The following ZNF407 variants were observed in gnomAD, a reference collection of about 807,000 sequenced individuals.
The protein encoded by ZNF407 is zinc finger protein 407.
Under a neutral mutation model 131.2 loss-of-function variants are expected in ZNF407, and 17 were observed. That is an observed-to-expected ratio of 0.13 (90% CI 0.09 to 0.19). The LOEUF (loss-of-function observed/expected upper bound fraction) is 0.19. Ranked by LOEUF, ZNF407 falls within the 10% of genes least tolerant of loss-of-function variation. The pLI is 1.00. For synonymous variants in ZNF407, 1,156 were observed against 1,062.0 expected (o/e 1.09, Z -1.72); for missense variants, 2,681 against 2,830.6 (o/e 0.95, Z 1.20).
At chr18:74,629,518 T>C (rs1347214612) in intron 1 of ZNF407, among the ~76,000 whole-genome samples, 1 of 152,228 alleles carries the variant, frequency 6.6e-6, no homozygotes, top group African/African-American at 2.4e-5. Flanking sequence ...TGATAGTGGC[T>C]TTTGAAGCAT....
At chr18:74,942,843 C>T (rs1319107833) in intron 8 of ZNF407, among the ~76,000 whole-genome samples, 1 of 151,880 alleles carries the variant, frequency 6.6e-6, no homozygotes, top group Non-Finnish European at 1.5e-5. Context: ...CACTTCTTTT[C>T]GAGGAATGAA....
chr18:75,061,803 C>T (rs933624347), intron 8 of ZNF407: 3 of 152,802 alleles, frequency 2.0e-5, no homozygotes, highest in Admixed American at 6.5e-5. Flanking sequence ...TCACTCTCGT[C>T]CTGCTCACCC....
chr18:74,962,788 G>A (rs1048741682), intron 8 of ZNF407, among the ~76,000 whole-genome samples: 8 of 152,182 alleles, frequency 5.3e-5, no homozygotes, highest in African/African-American at 1.7e-4. Flanking sequence ...CAGCACTTAC[G>A]TGCTCTGTTG....
At chr18:74,795,533 G>T (rs1297427384) in intron 4 of ZNF407, among the ~76,000 whole-genome samples, 1 of 152,186 alleles carries the variant, frequency 6.6e-6, no homozygotes, top group Non-Finnish European at 1.5e-5. Flanking sequence ...TTAAACAAAA[G>T]TAATGTTCCT....
intron 2 of ZNF407, among the ~76,000 whole-genome samples, chr18:74,640,087 A>G (rs925489637): frequency 3.3e-5 from 5 of 152,220 alleles, no homozygotes; most frequent in African/African-American, 9.6e-5. Flanking sequence ...GGTTTTTACA[A>G]TTTTGATTTA....
intron 4 of ZNF407, among the ~76,000 whole-genome samples, chr18:74,851,457 T>C (rs1465563311): frequency 2.0e-5 from 3 of 152,208 alleles, no homozygotes; most frequent in Admixed American, 6.5e-5. Flanking sequence ...ATTATACTTA[T>C]ATATGTTCAT....
chr18:75,028,566 T>C (rs1657434064), intron 8 of ZNF407, among the ~76,000 whole-genome samples: 1 of 152,224 alleles, frequency 6.6e-6, no homozygotes, highest in African/African-American at 2.4e-5. Flanking sequence ...ACTTAAAATA[T>C]ACGTTAAACA....
intron 4 of ZNF407, among the ~76,000 whole-genome samples, chr18:74,857,085 T>A (rs1970869712): frequency 6.6e-6 from 1 of 152,238 alleles, no homozygotes; most frequent in Non-Finnish European, 1.5e-5. Flanking sequence ...CAGCGTATAC[T>A]GCAGCTCTAA....
intron 1 of ZNF407, among the ~76,000 whole-genome samples, chr18:74,613,124 C>T (rs575410090): frequency 6.6e-6 from 1 of 152,264 alleles, no homozygotes; most frequent in African/African-American, 2.4e-5. Flanking sequence ...TCTTTCAGTT[C>T]ATTAGAAAGT....
At chr18:74,723,319 T>A (rs1254627487) in intron 3 of ZNF407, among the ~76,000 whole-genome samples, 1 of 152,210 alleles carries the variant, frequency 6.6e-6, no homozygotes, top group Non-Finnish European at 1.5e-5. Flanking sequence ...TGGGATTTGG[T>A]CACATTTTTC....
chr18:74,924,443 A>G (rs182135921), intron 8 of ZNF407, among the ~76,000 whole-genome samples: 1 of 152,322 alleles, frequency 6.6e-6, no homozygotes, highest in Admixed American at 6.5e-5. Flanking sequence ...AATTGACATC[A>G]AATTAAAGAT....
chr18:74,748,777 G>C (rs1431434672), intron 3 of ZNF407, among the ~76,000 whole-genome samples: 1 of 152,114 alleles, frequency 6.6e-6, no homozygotes, highest in Non-Finnish European at 1.5e-5. Flanking sequence ...TTAAGTATGG[G>C]AATTTCATGG....
intron 3 of ZNF407, among the ~76,000 whole-genome samples, chr18:74,662,325 CAA>C (rs1985750463): frequency 1.3e-5 from 2 of 152,148 alleles, no homozygotes; most frequent in African/African-American, 4.8e-5. Context: ...AATAAGTAGA[CAA>C]AATATTATAA....
chr18:74,944,080 A>G (rs191522306), intron 8 of ZNF407, among the ~76,000 whole-genome samples: 4 of 152,252 alleles, frequency 2.6e-5, no homozygotes, highest in Non-Finnish European at 1.5e-5. Context: ...TAATTATACG[A>G]GGCGCCTGTA....
At chr18:74,606,249 G>A (rs1157821309) in intron 1 of ZNF407, among the ~76,000 whole-genome samples, 1 of 152,140 alleles carries the variant, frequency 6.6e-6, no homozygotes, top group Non-Finnish European at 1.5e-5. Context: ...AAAAAATGCA[G>A]CAATTGATTT....
chr18:75,055,947 C>T (rs1417787921), intron 8 of ZNF407, among the ~76,000 whole-genome samples: 1 of 152,164 alleles, frequency 6.6e-6, no homozygotes, highest in Non-Finnish European at 1.5e-5. Context: ...TGGTGTGAAT[C>T]TCAGCTAATT....
chr18:74,742,632 AGAGT>A (rs778358936), intron 3 of ZNF407, among the ~76,000 whole-genome samples: 1 of 152,194 alleles, frequency 6.6e-6, no homozygotes, highest in Non-Finnish European at 1.5e-5. Flanking sequence ...CATTTTAGGA[AGAGT>A]GATAGAGTAT....
At chr18:74,945,603 G>A (rs1568278964) in intron 8 of ZNF407, among the ~76,000 whole-genome samples, 2 of 152,050 alleles carry the variant, frequency 1.3e-5, no homozygotes, top group Admixed American at 6.6e-5. Flanking sequence ...TTGACAGTAT[G>A]AAATATTTTC....
chr18:74,714,245 C>T (rs1011267421), intron 3 of ZNF407, among the ~76,000 whole-genome samples: 10 of 152,148 alleles, frequency 6.6e-5, no homozygotes, highest in African/African-American at 2.4e-4. Context: ...ACTTGTCATA[C>T]ACCATAGCTC....
Sources: gnomAD v4.1 joint callset for allele counts (sites outside exome capture counted in the v4.1 genomes callset) on GRCh38, gnomAD v4.1.1 for gene constraint, MANE v1.5 for transcripts, NCBI Gene and HGNC (gene_info 2026-07-23, HGNC 2026-07-21) for gene names.